THSD4: variants seen among roughly 807,000 people sequenced by gnomAD.
The protein encoded by THSD4 is thrombospondin type 1 domain containing 4.
Under a neutral mutation model 119.0 loss-of-function variants are expected in THSD4, and 69 were observed. That is an observed-to-expected ratio of 0.58 (90% CI 0.48 to 0.71). The LOEUF (loss-of-function observed/expected upper bound fraction) is 0.71. Ranked by LOEUF, THSD4 falls within the 30% of genes least tolerant of loss-of-function variation. The pLI is 0.00. For synonymous variants in THSD4, 524 were observed against 540.4 expected, an observed-to-expected ratio of 0.97 and a Z score of 0.42; for missense variants, 1,393 against 1,391.1, an observed-to-expected ratio of 1.00 and a Z score of -0.02.
intron 6 of THSD4, among the ~76,000 whole-genome samples, chr15:71,263,331 G>GTATATATATATATATATATATATA (rs60448462): frequency 0.015 from 2,041 of 138,264 alleles, 65 homozygotes; most frequent in Non-Finnish European, 0.019. Flanking sequence ...GTATTCCATG[G>GTATATATATATATATATATATATA]TATATATATA....
At chr15:71,226,128 C>T (rs748512910) in intron 4 of THSD4, among the ~76,000 whole-genome samples, 2 of 152,066 alleles carry the variant, frequency 1.3e-5, no homozygotes, top group Non-Finnish European at 2.9e-5. Flanking sequence ...ATGGGAGTCA[C>T]TTAATGTAAT....
At chr15:71,411,919 C>G (rs2046695245) in intron 7 of THSD4, 96 bp downstream of exon 7, 2 of 1,527,924 alleles carry the variant, frequency 1.3e-6, no homozygotes, top group Admixed American at 1.8e-5. Context: ...GCTAGCTCCC[C>G]CCAGCCCACG....
At chr15:71,683,661 G>C (rs562864016) in intron 8 of THSD4, among the ~76,000 whole-genome samples, 1 of 152,052 alleles carries the variant, frequency 6.6e-6, no homozygotes, top group Non-Finnish European at 1.5e-5. Flanking sequence ...AATTCATTTG[G>C]GAGGAGTAGA....
rs1335266546 is a variant in THSD4, at chr15:71,513,182, A to C, written c.1152+101359A>C. 4.6e-5 allele frequency among the ~76,000 whole-genome samples: 7 copies of C among 152,318 alleles called. No individual in the cohort carries two copies. The South Asian group carries it at 1.2e-3, about 27-fold the overall frequency. ...TGGCGTGAGCCGAGAGCTTCCTGTC[A>C]TCTCTGTACTTAGGAAATGTGCCAT... On this transcript the variant is annotated intron_variant, in intron 7 of 17. Coordinates refer to ENST00000261862, the MANE Select transcript of THSD4 (RefSeq NM_024817.3).
intron 8 of THSD4, among the ~76,000 whole-genome samples, chr15:71,689,778 C>CT (rs1170892766): frequency 6.6e-6 from 1 of 152,224 alleles, no homozygotes; most frequent in Admixed American, 6.5e-5. Context: ...AGCACCTCTT[C>CT]TGGACAATGG....
intron 7 of THSD4, among the ~76,000 whole-genome samples, chr15:71,544,595 G>T (rs2048808805): frequency 6.6e-6 from 1 of 152,190 alleles, no homozygotes; most frequent in Non-Finnish European, 1.5e-5. Context: ...AGAACAGTTT[G>T]GTAGCTTCTC....
At chr15:71,742,971 C>T (rs1372526004) in intron 11 of THSD4, among the ~76,000 whole-genome samples, 1 of 152,194 alleles carries the variant, frequency 6.6e-6, no homozygotes, top group Non-Finnish European at 1.5e-5. Context: ...AGGAGAATCA[C>T]TTGAACCCGG....
intron 7 of THSD4, among the ~76,000 whole-genome samples, chr15:71,598,838 G>C (rs996421542): frequency 1.3e-5 from 2 of 151,854 alleles, no homozygotes; most frequent in Admixed American, 6.6e-5. Flanking sequence ...GGCTGGTCTC[G>C]AACTCCTGGG....
rs2053940736 is a variant in THSD4 at position 71,777,781 on chromosome 15, C to G, written c.*407C>G. 1 of 202,420 alleles carries G rather than the reference C, an allele frequency of 4.9e-6. No individual in the cohort carries two copies. Among genetic ancestry groups the G allele is most frequent in the Non-Finnish European group, 1.0e-5 (1 of 96,850 alleles). 12.5% of individuals were successfully genotyped at this position (202,420 alleles called of 1,614,324 possible). On this transcript the variant is annotated 3_prime_UTR_variant, in exon 18 of 18. Transcript: ENST00000261862. The stretch of plus-strand genomic sequence containing the variant: ...TTCTAAACTTAGCACCCTGGAGAGT[C>G]CAAGGAGGCAGCGCCCCCAACCCAG...
At chr15:71,716,166 C>T (rs1315922568) in intron 8 of THSD4, among the ~76,000 whole-genome samples, 1 of 152,152 alleles carries the variant, frequency 6.6e-6, no homozygotes, top group Admixed American at 6.5e-5. Context: ...TTCCTAACTC[C>T]AGTTCCAGCC....
upstream of THSD4, chr15:71,112,357 A>T: frequency 2.1e-6 from 2 of 968,546 alleles, no homozygotes; most frequent in Non-Finnish European, 2.9e-6. Flanking sequence ...ATAGGACAAC[A>T]GGTGTAAGCT....
intron 7 of THSD4, among the ~76,000 whole-genome samples, chr15:71,499,557 T>C (rs2048080398): frequency 6.6e-6 from 1 of 151,416 alleles, no homozygotes; most frequent in South Asian, 2.1e-4. Flanking sequence ...TATAGTACAA[T>C]AGTGTTAATT....
intron 7 of THSD4, among the ~76,000 whole-genome samples, chr15:71,577,735 T>TTTATTTTATTTTATTTTA: frequency 1.7e-4 from 26 of 150,228 alleles, no homozygotes; most frequent in Non-Finnish European, 2.1e-4. Context: ...TTTATTTTAT[T>TTTATTTTATTTTATTTTA]TTTGAGACGG....
At chr15:71,725,847 T>G (rs1464385261) in intron 8 of THSD4, among the ~76,000 whole-genome samples, 2 of 152,192 alleles carry the variant, frequency 1.3e-5, no homozygotes, top group South Asian at 2.1e-4. Flanking sequence ...AATGGTGCGA[T>G]CTTGGCTCAC....
intron 4 of THSD4, among the ~76,000 whole-genome samples, chr15:71,224,660 G>A (rs2044000106): frequency 6.6e-6 from 1 of 152,226 alleles, no homozygotes; most frequent in Non-Finnish European, 1.5e-5. Context: ...TAGTAGGATT[G>A]CACTCCTTCT....
intron 6 of THSD4, among the ~76,000 whole-genome samples, chr15:71,312,491 G>A (rs1018061629): frequency 1.3e-5 from 2 of 152,044 alleles, no homozygotes; most frequent in Admixed American, 6.6e-5. Context: ...TGAGGAGAGA[G>A]GCCTCGGAGG....
At chr15:71,411,935 G>A (rs1274169909) in intron 7 of THSD4, 112 bp downstream of exon 7, 2 of 1,421,404 alleles carry the variant, frequency 1.4e-6, no homozygotes, top group Non-Finnish European at 1.9e-6. Context: ...CCACGTCAGG[G>A]CCACTCAACC....
At chr15:71,559,702 C>T (rs1190052962) in intron 7 of THSD4, among the ~76,000 whole-genome samples, 7 of 152,118 alleles carry the variant, frequency 4.6e-5, no homozygotes, top group African/African-American at 1.7e-4. Context: ...AGATAATGTT[C>T]ATGAAAGTGC....
At position 71,442,423 on chromosome 15, in the gene THSD4, G is replaced by A. The variant is rs936250272; in HGVS notation, c.1152+30600G>A. Among the ~76,000 whole-genome samples the A allele has an allele frequency of 3.3e-5, 5 of 150,806 alleles. No individual in the cohort carries two copies. The East Asian group carries it at 1.0e-3, about 30-fold the overall frequency. The stretch of plus-strand genomic sequence containing the variant: ...GTCTCTACTAAAAATACAAAAATTA[G>A]CTGGGCGTGGTGGCACATACCTGTA... On this transcript the variant is annotated intron_variant, in intron 7 of 17. Coordinates refer to ENST00000261862, the MANE Select transcript of THSD4 (RefSeq NM_024817.3).
Sources: allele counts gnomAD v4.1 joint callset (sites outside exome capture counted in the v4.1 genomes callset), GRCh38; gene constraint gnomAD v4.1.1; transcripts MANE v1.5; gene names NCBI Gene and HGNC (gene_info 2026-07-23, HGNC 2026-07-21).